Variants in AMZ1 observed in about 807,000 individuals in gnomAD.
AMZ1 encodes archaelysin family metallopeptidase 1.
In AMZ1, 39 loss-of-function variants were observed where a neutral mutation model predicts 29.9. The observed-to-expected ratio is 1.30, with a 90% CI of 1.01 to 1.70. AMZ1 has a LOEUF of 1.70. Ranked by LOEUF, AMZ1 falls within the 40% of genes most tolerant of loss-of-function variation. The probability of loss-of-function intolerance (pLI) is 0.00; values close to 1 mark genes in which losing one functional copy is unlikely to be tolerated. For missense variants in AMZ1, 1,041 were observed against 680.6 expected, an observed-to-expected ratio of 1.53 and a Z score of -5.89; for synonymous variants, 458 against 304.0, an observed-to-expected ratio of 1.51 and a Z score of -5.27.
chr7:2,764,770 G>A (rs1029123233), exon 1 of AMZ1: 1 of 152,238 alleles, frequency 6.6e-6, no homozygotes, highest in Non-Finnish European at 1.5e-5. Context: ...AGCATCTGAA[G>A]TCCCTCTCAT....
At chr7:2,727,375 C>T (rs1037286769) in intron 4 of AMZ1, among the ~76,000 whole-genome samples, 2 of 152,064 alleles carry the variant, frequency 1.3e-5, no homozygotes, top group South Asian at 2.1e-4. Flanking sequence ...CCACTGCGCC[C>T]GGCCATCTTC....
At chr7:2,739,421 T>C (rs1790384382) in intron 4 of AMZ1, among the ~76,000 whole-genome samples, 2 of 152,204 alleles carry the variant, frequency 1.3e-5, no homozygotes, top group Admixed American at 6.5e-5. Flanking sequence ...TGGTGCGGCA[T>C]TTCCGAGGCT....
chr7:2,708,840 T>G (rs1018999748), intron 4 of AMZ1, 124 bp downstream of exon 4: 2 of 1,468,634 alleles, frequency 1.4e-6, no homozygotes, highest in Admixed American at 1.9e-5. Flanking sequence ...TCAACACCTG[T>G]GCATGGGAAT....
At chr7:2,707,979 A>C (rs1343976838) in intron 3 of AMZ1, among the ~76,000 whole-genome samples, 1 of 151,826 alleles carries the variant, frequency 6.6e-6, no homozygotes, top group African/African-American at 2.4e-5. Context: ...ACGCACCACC[A>C]GGCCCGGCTC....
downstream of AMZ1, among the ~76,000 whole-genome samples, chr7:2,721,389 CT>C (rs1789414412): frequency 6.6e-6 from 1 of 152,216 alleles, no homozygotes; most frequent in South Asian, 2.1e-4. Context: ...GCGACGCATG[CT>C]GCAGAATCCA....
intron 1 of AMZ1, chr7:2,764,964 T>G (rs1791743472): frequency 6.6e-6 from 1 of 152,138 alleles, no homozygotes; most frequent in African/African-American, 2.4e-5. Flanking sequence ...TTTTGTACGG[T>G]GGAAAAGTAA....
chr7:2,709,501 A>G (rs1331704321), intron 5 of AMZ1, 139 bp from the exon 6 acceptor site: 26 of 1,324,750 alleles, frequency 2.0e-5, no homozygotes, highest in Non-Finnish European at 2.5e-5. Context: ...CGCCTGGGGC[A>G]GGGGGAGGGC....
rs115062278 is a variant in AMZ1, at chr7:2,698,048, T to A, written c.-218-2186T>A. 5.9e-3 allele frequency among the ~76,000 whole-genome samples: 903 copies of A among 152,332 alleles called. 6 individuals carry two copies. The highest frequency in any genetic ancestry group is 0.021 in the African/African-American group (864 of 41,574). On this transcript the variant is annotated intron_variant, in intron 1 of 6. Coordinates refer to ENST00000683327, the MANE Select transcript of AMZ1 (RefSeq NM_001384743.1). ...TATCAAATTTATTTATGTATTCACATATACATAGGAATATGAGCACATATA... is the reference window on the plus strand; with the variant it reads ...TATCAAATTTATTTATGTATTCACAAATACATAGGAATATGAGCACATATA...
intron 4 of AMZ1, chr7:2,733,587 A>C (rs919112361): frequency 4.8e-6 from 5 of 1,043,732 alleles, no homozygotes; most frequent in Non-Finnish European, 7.4e-6. Flanking sequence ...GGGTAAGAGC[A>C]GTGGCATTTC....
chr7:2,695,714 T>TA (rs145875161), intron 1 of AMZ1, among the ~76,000 whole-genome samples: 2,821 of 145,994 alleles, frequency 0.019, 75 homozygotes, highest in African/African-American at 0.067. Flanking sequence ...CTGTCTCATT[T>TA]AAAAAAGAAA....
intron 3 of AMZ1, among the ~76,000 whole-genome samples, chr7:2,708,123 T>C (rs897627167): frequency 6.6e-6 from 1 of 152,172 alleles, no homozygotes; most frequent in Admixed American, 6.5e-5. Flanking sequence ...GTGCCCGGCC[T>C]TACCGAGGGT....
rs776147948 is a variant in AMZ1 at position 2,712,868 on chromosome 7, AAG to A, written c.1492_1493del (p.Ser498LeufsTer49). The A allele has an allele frequency of 1.2e-5, 19 of 1,523,236 alleles. No individual in the cohort carries two copies. Among genetic ancestry groups the A allele is most frequent in the Non-Finnish European group, 1.7e-5 (19 of 1,135,396 alleles). The allele number at this position is 1,523,236 out of a possible 1,614,324, so 94.4% of individuals were successfully genotyped here. On this transcript the variant is annotated frameshift_variant, in exon 7 of 7. Coordinates refer to ENST00000683327, the MANE Select transcript of AMZ1 (RefSeq NM_001384743.1). LOFTEE classifies it high-confidence loss of function. ...TCGGCCCCCCGTCCCTGGGATGGGG[AAG>A]AGAGTTAGTACAGCAGGGGCTGCCC...
At position 2,713,583 on chromosome 7, in the gene AMZ1, C is replaced by T. The variant is rs1788939684; in HGVS notation, c.*705C>T. On this transcript the variant is annotated 3_prime_UTR_variant, in exon 7 of 7. Transcript: ENST00000683327. ...CCACCCAGCTTCCAAGGCTGAGTCT[C>T]CTCCCTAACGGGGAAGTGACGGGGT... The T allele has an allele frequency of 6.6e-6, 1 of 152,584 alleles. No homozygotes were observed. The highest frequency in any genetic ancestry group is 1.5e-5 in the Non-Finnish European group (1 of 68,216). 9.5% of individuals were successfully genotyped at this position (152,584 alleles called of 1,614,324 possible).
At chr7:2,721,163 A>C (rs1789404397), downstream of AMZ1, among the ~76,000 whole-genome samples, 1 of 152,160 alleles carries the variant, frequency 6.6e-6, no homozygotes, top group Non-Finnish European at 1.5e-5. Flanking sequence ...GAGGAAGAGC[A>C]ACCCAGGACG....
At chr7:2,704,439 CT>C (rs1788232182) in intron 3 of AMZ1, among the ~76,000 whole-genome samples, 1 of 151,806 alleles carries the variant, frequency 6.6e-6, no homozygotes, top group Admixed American at 6.6e-5. Context: ...GATCGTGCTA[CT>C]GTATTCCCCT....
chr7:2,747,135 A>C (rs977928532), intron 4 of AMZ1, among the ~76,000 whole-genome samples: 6 of 152,148 alleles, frequency 3.9e-5, no homozygotes, highest in Non-Finnish European at 8.8e-5. Flanking sequence ...ATTCCAATCA[A>C]TAGAAAAAGA....
chr7:2,719,665 T>TA lies in AMZ1; in HGVS notation c.*6790dup, dbSNP rs34802551. ...CTTACATTTTCATTCTCAAAATTAA[T>TA]AAATGCTATCAACCCCAATTTTTTT... On this transcript the variant is annotated 3_prime_UTR_variant, in exon 7 of 7. Coordinates refer to ENST00000683327, the MANE Select transcript of AMZ1 (RefSeq NM_001384743.1). 0.25 allele frequency among the ~76,000 whole-genome samples: 38,044 copies of TA among 150,068 alleles called. 5,281 individuals carry two copies. Among genetic ancestry groups the TA allele is most frequent in the Non-Finnish European group, 0.29 (19,933 of 67,766 alleles).
At chr7:2,699,992 G>T (rs915545392) in intron 1 of AMZ1, among the ~76,000 whole-genome samples, 1 of 152,162 alleles carries the variant, frequency 6.6e-6, no homozygotes, top group East Asian at 1.9e-4. Context: ...GGAAGAGACT[G>T]TGACCGTCCC....
rs1583159584 is a variant in AMZ1 at position 2,700,620 on chromosome 7, A to C, written c.169A>C (p.Thr57Pro). 1.2e-6 allele frequency: 2 copies of C among 1,610,752 alleles called. No individual in the cohort carries two copies. Among genetic ancestry groups the C allele is most frequent in the Admixed American group, 1.7e-5 (1 of 60,004 alleles). The part of the protein sequence containing the change: ...AYNPQRTLFC[T>P]LLIRTGFDWL... ...CAACCCGCAGAGGACGCTCTTCTGC[A>C]CCCTGCTCATCCGCACGGGCTTCGA... The change falls in exon 2 of 7, where the codon ACC becomes CCC. Residue 57 changes from threonine to proline, a missense_variant. Physicochemically the swap from Thr to Pro is conservative, Grantham distance 38. Transcript: ENST00000683327.
Sources: gnomAD v4.1 joint callset for allele counts (sites outside exome capture counted in the v4.1 genomes callset) on GRCh38, gnomAD v4.1.1 for gene constraint, MANE v1.5 for transcripts, NCBI Gene and HGNC (gene_info 2026-07-23, HGNC 2026-07-21) for gene names.